Variants in AP3B1 observed in about 807,000 individuals in gnomAD.
The protein encoded by AP3B1 is adaptor related protein complex 3 subunit beta 1.
In AP3B1, 61 loss-of-function variants were observed where a neutral mutation model predicts 132.5. That is an observed-to-expected ratio of 0.46 (90% CI 0.37 to 0.57). The LOEUF (loss-of-function observed/expected upper bound fraction) is 0.57. AP3B1 is among the 20% of genes least tolerant of loss of function. The pLI, the probability that AP3B1 is intolerant of heterozygous loss-of-function variation, is 0.00. For synonymous variants in AP3B1, 388 were observed against 438.3 expected, an observed-to-expected ratio of 0.89 and a Z score of 1.43; for missense variants, 1,120 against 1,289.4, an observed-to-expected ratio of 0.87 and a Z score of 2.01.
intron 7 of AP3B1, among the ~76,000 whole-genome samples, chr5:78,202,126 A>G (rs1179021909): frequency 2.0e-5 from 3 of 152,050 alleles, no homozygotes; most frequent in Non-Finnish European, 4.4e-5. Flanking sequence ...TAAAAAGGGG[A>G]GTTTCCCTGC....
chr5:78,043,451 C>A, intron 22 of AP3B1: 1 of 224,422 alleles, frequency 4.5e-6, no homozygotes, highest in South Asian at 6.9e-5. Flanking sequence ...TCTTTCTCAC[C>A]TTTCTCTTCC....
At chr5:78,024,023 A>C (rs1747219033) in intron 24 of AP3B1, among the ~76,000 whole-genome samples, 1 of 152,190 alleles carries the variant, frequency 6.6e-6, no homozygotes, top group Non-Finnish European at 1.5e-5. Context: ...TGAAGAGCAC[A>C]AGAATGAGGT....
intron 3 of AP3B1, among the ~76,000 whole-genome samples, chr5:78,230,735 A>T (rs1379899675): frequency 6.6e-6 from 1 of 152,248 alleles, no homozygotes. Context: ...GTCCTAGTAG[A>T]TAAACAGTAA....
downstream of AP3B1, chr5:78,001,319 G>C (rs1438104629): frequency 6.6e-6 from 1 of 152,158 alleles, no homozygotes; most frequent in Non-Finnish European, 1.5e-5. Context: ...GAGCAATAAG[G>C]CTAATATGGA....
At chr5:78,189,401 T>C (rs1471172053) in intron 7 of AP3B1, among the ~76,000 whole-genome samples, 1 of 152,146 alleles carries the variant, frequency 6.6e-6, no homozygotes, top group Non-Finnish European at 1.5e-5. Context: ...TTACAGAGGA[T>C]TACTTGCACT....
chr5:78,149,713 C>A (rs1313513554), intron 14 of AP3B1, among the ~76,000 whole-genome samples: 1 of 152,150 alleles, frequency 6.6e-6, no homozygotes, highest in African/African-American at 2.4e-5. Flanking sequence ...TGCTTAAGTT[C>A]ATGAAGCTAG....
chr5:78,286,050 G>C (rs1224761197), intron 1 of AP3B1, among the ~76,000 whole-genome samples: 1 of 151,810 alleles, frequency 6.6e-6, no homozygotes, highest in Non-Finnish European at 1.5e-5. Context: ...TAAAATCAAA[G>C]ACCTTAACAA....
chr5:78,104,806 G>A (rs555756858), intron 20 of AP3B1, among the ~76,000 whole-genome samples: 26 of 152,194 alleles, frequency 1.7e-4, no homozygotes, highest in Middle Eastern at 3.4e-3. Context: ...GTGACTGATC[G>A]TTAGAGCACC....
At chr5:78,178,346 G>A (rs1274401681) in intron 8 of AP3B1, among the ~76,000 whole-genome samples, 2 of 152,156 alleles carry the variant, frequency 1.3e-5, no homozygotes, top group Admixed American at 1.3e-4. Flanking sequence ...TCAAAGACTG[G>A]GCACAGTGGC....
At chr5:78,054,067 CT>C (rs1748704701) in intron 22 of AP3B1, among the ~76,000 whole-genome samples, 1 of 152,174 alleles carries the variant, frequency 6.6e-6, no homozygotes, top group South Asian at 2.1e-4. Flanking sequence ...TAGCACCTAT[CT>C]TTCAGGGTTG....
intron 14 of AP3B1, among the ~76,000 whole-genome samples, chr5:78,147,345 T>G (rs537425466): frequency 3.9e-5 from 6 of 152,258 alleles, no homozygotes; most frequent in Non-Finnish European, 8.8e-5. Flanking sequence ...ACCTTCTTAT[T>G]TTCAACTTTT....
chr5:78,020,778 T>C lies in AP3B1; in HGVS notation c.2906A>G (p.Asp969Gly), dbSNP rs886060770. The change falls in exon 25 of 27, where the codon GAT becomes GGT. Residue 969 changes from aspartate (D) to glycine (G), a missense_variant. Coordinates refer to ENST00000255194, the MANE Select transcript of AP3B1 (RefSeq NM_003664.5). Reference sequence around the variant, plus strand: ...TGGCTGAATATTAACATTGAAGCAATCATCCTTGGTACTGAAGAAAAACAA... The same window carrying C: ...TGGCTGAATATTAACATTGAAGCAACCATCCTTGGTACTGAAGAAAAACAA... Reference protein sequence around the residue: ...TASFQLCTKDDCFNVNIQPPV... With the variant: ...TASFQLCTKDGCFNVNIQPPV... 5 of 1,611,416 alleles carry C rather than the reference T, an allele frequency of 3.1e-6. No homozygotes were observed. The highest frequency in any genetic ancestry group is 4.2e-6 in the Non-Finnish European group (5 of 1,178,592).
intron 6 of AP3B1, among the ~76,000 whole-genome samples, chr5:78,221,547 T>A (rs1295774688): frequency 6.6e-6 from 1 of 151,870 alleles, no homozygotes; most frequent in Non-Finnish European, 1.5e-5. Context: ...ATGTGAAGAC[T>A]AAATTGCAAG....
At chr5:78,074,681 G>A (rs941054488) in intron 22 of AP3B1, among the ~76,000 whole-genome samples, 1 of 152,200 alleles carries the variant, frequency 6.6e-6, no homozygotes, top group African/African-American at 2.4e-5. Context: ...GGGCACGGTG[G>A]CTCATGCCTG....
chr5:78,038,583 C>G (rs1580267663), intron 23 of AP3B1, among the ~76,000 whole-genome samples: 1 of 152,216 alleles, frequency 6.6e-6, no homozygotes, highest in African/African-American at 2.4e-5. Flanking sequence ...GTCTTCACTC[C>G]CTTCACTTTC....
At chr5:78,201,125 C>G (rs1745272557) in intron 7 of AP3B1, among the ~76,000 whole-genome samples, 1 of 152,164 alleles carries the variant, frequency 6.6e-6, no homozygotes, top group Non-Finnish European at 1.5e-5. Context: ...TCTTGCACTT[C>G]TAGATATCAG....
chr5:78,066,141 C>A (rs985988761), intron 22 of AP3B1, among the ~76,000 whole-genome samples: 1 of 152,142 alleles, frequency 6.6e-6, no homozygotes, highest in South Asian at 2.1e-4. Context: ...ACAAAAAAGT[C>A]CCCACAAAAA....
chr5:78,034,509 C>A, intron 23 of AP3B1, 64 bp from the exon 24 acceptor site: 1 of 1,242,602 alleles, frequency 8.0e-7, no homozygotes, highest in Non-Finnish European at 1.2e-6. Flanking sequence ...AAACTAAACA[C>A]TGAAAATTTA....
intron 8 of AP3B1, among the ~76,000 whole-genome samples, chr5:78,178,530 G>A (rs1190095483): frequency 1.3e-5 from 2 of 152,128 alleles, no homozygotes; most frequent in African/African-American, 2.4e-5. Flanking sequence ...GTTGGGACAC[G>A]AGAATCATTG....
Sources: gnomAD v4.1 joint callset for allele counts (sites outside exome capture counted in the v4.1 genomes callset) on GRCh38, gnomAD v4.1.1 for gene constraint, MANE v1.5 for transcripts, NCBI Gene and HGNC (gene_info 2026-07-23, HGNC 2026-07-21) for gene names.